Variants in ERCC6L2 observed in about 807,000 individuals in gnomAD.
The protein encoded by ERCC6L2 is ERCC excision repair 6 like 2, also known as DNA excision repair protein ERCC-6-like 2.
In ERCC6L2, 77 loss-of-function variants were observed where a neutral mutation model predicts 132.0. The ratio of observed to expected loss-of-function variants is 0.58; its 90% confidence interval spans 0.49 to 0.71. The LOEUF is 0.71. ERCC6L2 is among the 30% of genes least tolerant of loss of function. The pLI is 0.00. For missense variants in ERCC6L2, 1,542 were observed against 1,837.6 expected (o/e 0.84, Z 2.94); for synonymous variants, 583 against 632.4 (o/e 0.92, Z 1.17).
At chr9:95,892,075 C>T (rs1389042855) in intron 2 of ERCC6L2, among the ~76,000 whole-genome samples, 1 of 151,946 alleles carries the variant, frequency 6.6e-6, no homozygotes, top group East Asian at 1.9e-4. Context: ...TTTGGTTGAA[C>T]AAGTTGTAAT....
At chr9:96,007,962 C>T (rs1019080559) in intron 18 of ERCC6L2, among the ~76,000 whole-genome samples, 1 of 152,118 alleles carries the variant, frequency 6.6e-6, no homozygotes, top group Non-Finnish European at 1.5e-5. Flanking sequence ...GGCCCCGCAG[C>T]TCTTTGGAGT....
rs1830787649 is a variant in ERCC6L2, at chr9:95,941,342, A to G, written c.1752-112A>G. The G allele has an allele frequency of 7.7e-6, 5 of 647,668 alleles. No individual in the cohort carries two copies. The Admixed American group carries it at 1.1e-4, about 15-fold the overall frequency. The allele number at this position is 647,668 out of a possible 1,614,324, so 40.1% of individuals were successfully genotyped here. On this transcript the variant is annotated intron_variant, in intron 11 of 18. Coordinates refer to ENST00000653738, the MANE Select transcript of ERCC6L2 (RefSeq NM_020207.7). Reference sequence around the variant, plus strand: ...TTAATCACCACCTTACTTTGATGAAATTAATGCAATATCGTACTGTTTTGG... The same window carrying G: ...TTAATCACCACCTTACTTTGATGAAGTTAATGCAATATCGTACTGTTTTGG...
intron 19 of ERCC6L2, among the ~76,000 whole-genome samples, chr9:96,036,753 TA>T (rs1418395601): frequency 2.3e-5 from 3 of 133,110 alleles, no homozygotes; most frequent in Non-Finnish European, 3.3e-5. Flanking sequence ...TTATTATTAT[TA>T]TTATTATTAT....
At chr9:95,913,319 T>C (rs1829428054) in intron 4 of ERCC6L2, among the ~76,000 whole-genome samples, 1 of 152,228 alleles carries the variant, frequency 6.6e-6, no homozygotes, top group Admixed American at 6.5e-5. Context: ...TTAACCACAA[T>C]TTTGACTTTA....
Position 95,903,439 on chromosome 9 carries a change from CTATTGATA to C in ERCC6L2, c.595-3634_595-3627del, listed in dbSNP as rs1234435798. 6.6e-5 allele frequency among the ~76,000 whole-genome samples: 10 copies of C among 152,130 alleles called. No individual in the cohort carries two copies. The East Asian group carries it at 1.9e-3, about 29-fold the overall frequency. On this transcript the variant is annotated intron_variant, in intron 3 of 18. Transcript: ENST00000653738. ...ATTTTCTCAAATTTCTCCTCAAAAC[CTATTGATA>C]TATTAGTTGATGTTGTGTTGAATTT...
At chr9:95,923,779 A>AT (rs1424928048) in intron 9 of ERCC6L2, among the ~76,000 whole-genome samples, 2 of 152,160 alleles carry the variant, frequency 1.3e-5, no homozygotes, top group Non-Finnish European at 2.9e-5. Context: ...AGAGAAAGGA[A>AT]TTTCTTGAAG....
intron 12 of ERCC6L2, 85 bp downstream of exon 12, chr9:95,941,634 G>C: frequency 1.0e-6 from 1 of 964,628 alleles, no homozygotes; most frequent in Non-Finnish European, 1.6e-6. Flanking sequence ...CTTATACTAT[G>C]ACTATGATTA....
chr9:95,996,168 G>A (rs1217200408), intron 17 of ERCC6L2, among the ~76,000 whole-genome samples: 1 of 152,226 alleles, frequency 6.6e-6, no homozygotes, highest in Non-Finnish European at 1.5e-5. Context: ...CAATAAGAAA[G>A]TGAAACAGCC....
chr9:96,037,751 C>T (rs149817319), intron 19 of ERCC6L2, among the ~76,000 whole-genome samples: 70 of 152,062 alleles, frequency 4.6e-4, no homozygotes, highest in African/African-American at 1.7e-3. Context: ...TGGTGAGATC[C>T]CACAGAGAGA....
intron 12 of ERCC6L2, among the ~76,000 whole-genome samples, chr9:95,945,284 C>G (rs1831005528): frequency 6.6e-6 from 1 of 152,358 alleles, no homozygotes; most frequent in Admixed American, 6.5e-5. Flanking sequence ...AAATATGGCT[C>G]TGTTCCACCC....
At chr9:95,991,378 G>A (rs1236063620) in intron 17 of ERCC6L2, among the ~76,000 whole-genome samples, 1 of 152,078 alleles carries the variant, frequency 6.6e-6, no homozygotes, top group African/African-American at 2.4e-5. Context: ...ACCCTTTACT[G>A]CCCATCTTTT....
intron 19 of ERCC6L2, among the ~76,000 whole-genome samples, chr9:96,035,318 G>A (rs1170310618): frequency 2.6e-5 from 4 of 152,188 alleles, no homozygotes; most frequent in East Asian, 3.9e-4. Flanking sequence ...CCAGAGTGGA[G>A]ATTCATGGTG....
chr9:96,030,269 A>T (rs547781642), intron 19 of ERCC6L2, among the ~76,000 whole-genome samples: 1 of 152,288 alleles, frequency 6.6e-6, no homozygotes, highest in East Asian at 1.9e-4. Context: ...AGGCGGGGAC[A>T]AATAAGGCAA....
chr9:95,967,138 TC>T (rs1356384287), intron 14 of ERCC6L2: 2 of 152,474 alleles, frequency 1.3e-5, no homozygotes, highest in Non-Finnish European at 2.9e-5. Flanking sequence ...TGTTTTCTGT[TC>T]CCAATAAAAA....
At chr9:96,024,100 C>G (rs1175163145) in intron 19 of ERCC6L2, among the ~76,000 whole-genome samples, 3 of 152,180 alleles carry the variant, frequency 2.0e-5, no homozygotes, top group Non-Finnish European at 4.4e-5. Flanking sequence ...CAGAAGGGAA[C>G]CGAAATGACC....
chr9:95,950,860 A>G (rs1264273546), intron 12 of ERCC6L2, among the ~76,000 whole-genome samples: 2 of 152,208 alleles, frequency 1.3e-5, no homozygotes, highest in African/African-American at 4.8e-5. Context: ...GAAGGGAGAA[A>G]TAGCTCTGCA....
In ERCC6L2 at chr9:96,016,176, T is replaced by C. The variant is rs1163827085; in HGVS notation, c.*2973T>C. Among the ~76,000 whole-genome samples, 3 of 152,222 alleles carry C rather than the reference T, an allele frequency of 2.0e-5. No homozygotes were observed. The highest frequency in any genetic ancestry group is 4.8e-5 in the African/African-American group (2 of 41,458). On this transcript the variant is annotated 3_prime_UTR_variant, in exon 19 of 19. Coordinates refer to ENST00000653738, the MANE Select transcript of ERCC6L2 (RefSeq NM_020207.7). ...CTCCTTTTAGCCTTAGTTTCCCCTT[T>C]AAATTGGTGATGGATTAGATCAGTG...
intron 13 of ERCC6L2, among the ~76,000 whole-genome samples, chr9:95,964,006 T>G (rs753723802): frequency 6.6e-6 from 1 of 152,168 alleles, no homozygotes; most frequent in African/African-American, 2.4e-5. Context: ...GTAATTGATA[T>G]GTAGTTTATG....
At chr9:95,987,881 T>C (rs1833155181) in intron 17 of ERCC6L2, among the ~76,000 whole-genome samples, 2 of 152,168 alleles carry the variant, frequency 1.3e-5, no homozygotes, top group South Asian at 4.1e-4. Flanking sequence ...TTTCCATCCA[T>C]CCTTTAAAAT....
Sources: allele counts gnomAD v4.1 joint callset (sites outside exome capture counted in the v4.1 genomes callset), GRCh38; gene constraint gnomAD v4.1.1; transcripts MANE v1.5; gene names NCBI Gene and HGNC (gene_info 2026-07-23, HGNC 2026-07-21).